Variants in AMZ1 observed in about 807,000 individuals in gnomAD.
AMZ1 encodes archaelysin family metallopeptidase 1.
AMZ1 carries 39 observed loss-of-function variants against 29.9 expected under a neutral mutation model. That is an observed-to-expected ratio of 1.30 (90% confidence interval 1.01 to 1.70). AMZ1 has a LOEUF of 1.70. Among genes scored for constraint, AMZ1 ranks in the 40% most tolerant of loss-of-function variants. The pLI is 0.00. For missense variants in AMZ1, 1,041 were observed against 680.6 expected, an observed-to-expected ratio of 1.53 and a Z score of -5.89; for synonymous variants, 458 against 304.0, an observed-to-expected ratio of 1.51 and a Z score of -5.27.
At chr7:2,701,416 G>C (rs1788047252) in intron 2 of AMZ1, among the ~76,000 whole-genome samples, 1 of 152,186 alleles carries the variant, frequency 6.6e-6, no homozygotes, top group Non-Finnish European at 1.5e-5. Flanking sequence ...TGATGCTATA[G>C]TGGGAGGGGC....
intron 4 of AMZ1, among the ~76,000 whole-genome samples, chr7:2,744,538 C>T (rs1790672897): frequency 6.6e-6 from 1 of 152,050 alleles, no homozygotes; most frequent in Non-Finnish European, 1.5e-5. Context: ...TCATCAAAGA[C>T]CAAAGGTAGA....
intron 1 of AMZ1, among the ~76,000 whole-genome samples, chr7:2,692,870 C>T (rs757734311): frequency 5.9e-5 from 9 of 152,190 alleles, no homozygotes; most frequent in Non-Finnish European, 1.0e-4. Flanking sequence ...TGTTCTTTCC[C>T]CCAATTTGTT....
At position 2,714,481 on chromosome 7, in the gene AMZ1, G is replaced by C. The variant is rs1336460470; in HGVS notation, c.*1603G>C. ...GTTCTCTTTTGCGTAGCTTCAAAAA[G>C]GCGTAACAGTGACCTGGGAGGGGAG... On this transcript the variant is annotated 3_prime_UTR_variant, in exon 7 of 7. Transcript: ENST00000683327. The C allele has an allele frequency of 1.3e-5, 2 of 152,360 alleles. No individual in the cohort carries two copies. The highest frequency in any genetic ancestry group is 1.3e-4 in the Admixed American group (2 of 15,284). The allele number at this position is 152,360 out of a possible 1,614,324, so 9.4% of individuals were successfully genotyped here. A position where few individuals can be genotyped will look rare whatever the true frequency, so the allele number is the denominator to read the frequency against.
chr7:2,696,834 A>G (rs1286277015), intron 1 of AMZ1, among the ~76,000 whole-genome samples: 1 of 152,092 alleles, frequency 6.6e-6, no homozygotes, highest in Non-Finnish European at 1.5e-5. Flanking sequence ...TGCAGTGAGC[A>G]AAGATCGTGC....
chr7:2,760,570 C>T (rs1791508672), upstream of AMZ1: 1 of 152,404 alleles, frequency 6.6e-6, no homozygotes, highest in East Asian at 1.9e-4. Flanking sequence ...CACGTCACAT[C>T]AGGGCGTCCC....
At chr7:2,690,411 G>C (rs1207103836) in intron 1 of AMZ1, among the ~76,000 whole-genome samples, 1 of 152,142 alleles carries the variant, frequency 6.6e-6, no homozygotes, top group Non-Finnish European at 1.5e-5. Flanking sequence ...GTAGAGACGG[G>C]GTTTTGCCAT....
intron 6 of AMZ1, among the ~76,000 whole-genome samples, chr7:2,710,060 G>C (rs758303485): frequency 2.6e-4 from 39 of 152,224 alleles, no homozygotes; most frequent in Non-Finnish European, 4.4e-4. Flanking sequence ...CAGCGGGGTC[G>C]AGTGGGGACG....
intron 4 of AMZ1, among the ~76,000 whole-genome samples, chr7:2,740,208 T>C (rs1048980553): frequency 6.6e-6 from 1 of 152,124 alleles, no homozygotes; most frequent in Admixed American, 6.5e-5. Context: ...CTTTTCTAGG[T>C]GGTTCTATTT....
At chr7:2,720,902 C>T (rs1324940338), downstream of AMZ1, among the ~76,000 whole-genome samples, 1 of 152,168 alleles carries the variant, frequency 6.6e-6, no homozygotes, top group Non-Finnish European at 1.5e-5. Context: ...TGGTTTTGAA[C>T]TCCTGGGCTC....
At position 2,746,131 on chromosome 7, in the gene AMZ1, G is replaced by C. The variant is rs1316120904; in HGVS notation, n.551-18581G>C. Among the ~76,000 whole-genome samples, 4 of 152,168 alleles carry C rather than the reference G, an allele frequency of 2.6e-5. No individual in the cohort carries two copies. The South Asian group carries it at 6.2e-4, about 24-fold the overall frequency. ...ATCAACGAGACAGAAAGTTAACAAGGATACCCAGGAATTGAATTCAGCTCT... is the reference window on the plus strand; with the variant it reads ...ATCAACGAGACAGAAAGTTAACAAGCATACCCAGGAATTGAATTCAGCTCT... On this transcript the variant is annotated intron_variant and non_coding_transcript_variant, in intron 4 of 4. Transcript: ENST00000489665.
chr7:2,708,241 G>T (rs897766648), intron 3 of AMZ1, among the ~76,000 whole-genome samples: 2 of 152,200 alleles, frequency 1.3e-5, no homozygotes, highest in Non-Finnish European at 2.9e-5. Flanking sequence ...AGGTCCCAGG[G>T]CTGAGACGTG....
At position 2,718,707 on chromosome 7, in the gene AMZ1, T is replaced by C. The variant is rs798559; in HGVS notation, c.*5829T>C. Among the ~76,000 whole-genome samples, 38,075 of 152,178 alleles carry C rather than the reference T, an allele frequency of 0.25. 5,278 individuals are homozygous for C. Among genetic ancestry groups the C allele is most frequent in the Non-Finnish European group, 0.29 (19,937 of 67,988 alleles). On this transcript the variant is annotated 3_prime_UTR_variant, in exon 7 of 7. Coordinates refer to ENST00000683327, the MANE Select transcript of AMZ1 (RefSeq NM_001384743.1). ...CACGTAGGAGCTCCACTGTCCCTTC[T>C]AACAGGACAGGGCTTGTGCAGCCGG...
At chr7:2,762,457 T>C (rs1583255208), upstream of AMZ1, 1 of 558,406 alleles carries the variant, frequency 1.8e-6, no homozygotes, top group South Asian at 3.5e-5. Context: ...AACTCCAAAG[T>C]CCAGCCTCTG....
At position 2,709,219 on chromosome 7, in the gene AMZ1, C is replaced by G. The variant is rs1338956261; in HGVS notation, c.746C>G (p.Ala249Gly). Reference protein sequence around the residue: ...QDRGWALCFSALGMVQCCKVT... With the variant: ...QDRGWALCFSGLGMVQCCKVT... ...AGGGGCTGGGCCCTGTGCTTCAGTG[C>G]CCTGGGGATGGTTCAGTGCTGCAAG... Residue 249 changes from alanine to glycine, a missense_variant, in exon 5 of 7, where the codon GCC (alanine) becomes GGC (glycine). Coordinates refer to ENST00000683327, the MANE Select transcript of AMZ1 (RefSeq NM_001384743.1). The G allele has an allele frequency of 2.0e-6, 3 of 1,508,930 alleles. No individual in the cohort carries two copies. Among genetic ancestry groups the G allele is most frequent in the Non-Finnish European group, 2.7e-6 (3 of 1,130,594 alleles). 93.5% of individuals were successfully genotyped at this position (1,508,930 alleles called of 1,614,324 possible).
chr7:2,701,674 G>T (rs1369470615), intron 2 of AMZ1, among the ~76,000 whole-genome samples: 1 of 152,228 alleles, frequency 6.6e-6, no homozygotes, highest in Admixed American at 6.5e-5. Flanking sequence ...CGGAGAGGAG[G>T]AAAGGGCTGG....
rs1344379651 is a variant in AMZ1 at position 2,712,779 on chromosome 7, G to A, written c.1398G>A (p.Val466=). The change falls in exon 7 of 7, where the codon GTG becomes GTA. Residue 466 remains valine (V), a synonymous_variant. Transcript: ENST00000683327. ...GGGACAGCGTGGGGCTGCGCAAGGT[G>A]CTGGGGGACAAGTTCTCCTCCCTGA... ...SSRDSVGLRK[V]LGDKFSSLRR... is the part of the protein sequence containing the mutation. The A allele has an allele frequency of 7.0e-6, 11 of 1,575,686 alleles. No homozygotes were observed. The highest frequency in any genetic ancestry group is 2.3e-5 in the East Asian group (1 of 44,426).
chr7:2,727,093 C>CT (rs1375180698), intron 4 of AMZ1, among the ~76,000 whole-genome samples: 2 of 152,116 alleles, frequency 1.3e-5, no homozygotes, highest in East Asian at 1.9e-4. Flanking sequence ...TATTTATTTA[C>CT]TTTTTTGGAG....
chr7:2,705,909 C>T (rs554060362), intron 3 of AMZ1, among the ~76,000 whole-genome samples: 10 of 152,360 alleles, frequency 6.6e-5, no homozygotes, highest in Admixed American at 2.6e-4. Flanking sequence ...TCCCCCACGC[C>T]GTACACGGTG....
rs552566077 is a variant in AMZ1, at chr7:2,712,835, G to A, written c.1454G>A (p.Arg485Lys). 1.3e-6 allele frequency: 2 copies of A among 1,531,110 alleles called. No individual in the cohort carries two copies. The highest frequency in any genetic ancestry group is 2.6e-5 in the South Asian group (2 of 77,588). The allele number at this position is 1,531,110 out of a possible 1,614,324, so 94.8% of individuals were successfully genotyped here. The change falls in exon 7 of 7, where the codon AGA becomes AAA. Residue 485 changes from arginine to lysine, a missense_variant. By Grantham distance (26) the Arg-to-Lys change is conservative. Coordinates refer to ENST00000683327, the MANE Select transcript of AMZ1 (RefSeq NM_001384743.1). ...AAGCTGAGTGCCCGAAAACTCGCCA[G>A]AGCAGAGTCGGCCCCCCGTCCCTGG... The part of the protein sequence containing the change: ...RRKLSARKLA[R>K]AESAPRPWDG...
Sources: allele counts gnomAD v4.1 joint callset (sites outside exome capture counted in the v4.1 genomes callset), GRCh38; gene constraint gnomAD v4.1.1; transcripts MANE v1.5; gene names NCBI Gene and HGNC (gene_info 2026-07-23, HGNC 2026-07-21).